Variants in AMZ1 observed in about 807,000 individuals in gnomAD.
The protein encoded by AMZ1 is archaemetzincin-1.
AMZ1 carries 39 observed loss-of-function variants against 29.9 expected under a neutral mutation model. The observed-to-expected ratio is 1.30, with a 90% CI of 1.01 to 1.70. The LOEUF is 1.70. Ranked by LOEUF, AMZ1 falls within the 40% of genes most tolerant of loss-of-function variation. AMZ1 has a pLI of 0.00. For missense variants in AMZ1, 1,041 were observed against 680.6 expected (o/e 1.53, Z -5.89); for synonymous variants, 458 against 304.0 (o/e 1.51, Z -5.27).
chr7:2,742,876 G>A (rs1790579365), intron 4 of AMZ1, among the ~76,000 whole-genome samples: 1 of 152,118 alleles, frequency 6.6e-6, no homozygotes, highest in Non-Finnish European at 1.5e-5. Flanking sequence ...CTGTATATTG[G>A]CTTGTGCCTA....
In AMZ1 at chr7:2,709,516, G is replaced by C. The variant is rs144770220; in HGVS notation, c.772-124G>C. ...CGCCTGGGGCAGGGGGAGGGCGCCT[G>C]GACCACCTCCCGGCCATCTGGCCTC... On this transcript the variant is annotated intron_variant, in intron 5 of 6. Coordinates refer to ENST00000683327, the MANE Select transcript of AMZ1 (RefSeq NM_001384743.1). The C allele has an allele frequency of 6.3e-5, 90 of 1,424,662 alleles. No individual in the cohort carries two copies. In the Admixed American group the frequency reaches 1.0e-3, roughly 16 times the overall value. The allele number at this position is 1,424,662 out of a possible 1,614,324, so 88.3% of individuals were successfully genotyped here.
chr7:2,711,982 G>A (rs1651155883), intron 6 of AMZ1, among the ~76,000 whole-genome samples: 1 of 152,178 alleles, frequency 6.6e-6, no homozygotes, highest in Non-Finnish European at 1.5e-5. Flanking sequence ...GGGAGGGGGA[G>A]GTTGCAGTGA....
upstream of AMZ1, among the ~76,000 whole-genome samples, chr7:2,686,362 ATC>A (rs1787078731): frequency 6.6e-6 from 1 of 152,128 alleles, no homozygotes. Context: ...GCGAGATCCC[ATC>A]TCTACATAAA....
At chr7:2,754,655 A>G (rs1159053836) in intron 4 of AMZ1, among the ~76,000 whole-genome samples, 1 of 152,062 alleles carries the variant, frequency 6.6e-6, no homozygotes, top group Admixed American at 6.6e-5. Flanking sequence ...AGGCTGGGAC[A>G]AGAGGACTGC....
chr7:2,696,950 G>C (rs965886828), intron 1 of AMZ1, among the ~76,000 whole-genome samples: 1 of 152,154 alleles, frequency 6.6e-6, no homozygotes, highest in African/African-American at 2.4e-5. Flanking sequence ...TGATCTTTCT[G>C]CAAAGCAATT....
At chr7:2,696,175 CAAA>C (rs1321138025) in intron 1 of AMZ1, among the ~76,000 whole-genome samples, 1 of 151,488 alleles carries the variant, frequency 6.6e-6, no homozygotes, top group Non-Finnish European at 1.5e-5. Context: ...AAAATGGGGA[CAAA>C]AACTGCACCC....
rs1257069104 is a variant in AMZ1, at chr7:2,727,478, C to T, written n.550+17662C>T. ...GTAGCCTCAAGCTCCTGGGCTCAAA[C>T]GATCCTTCTGCCTCAGCCTCCCAAG... On this transcript the variant is annotated intron_variant and non_coding_transcript_variant, in intron 4 of 4. Transcript: ENST00000489665. Among the ~76,000 whole-genome samples the T allele has an allele frequency of 7.9e-5, 12 of 152,216 alleles. No homozygotes were observed. In the East Asian group the frequency reaches 1.9e-3, roughly 25 times the overall value.
Position 2,708,683 on chromosome 7 carries a change from A to C in AMZ1, c.568A>C (p.Ser190Arg), listed in dbSNP as rs776712553. The change falls in exon 4 of 7, where the codon AGC becomes CGC. Residue 190 changes from serine to arginine, a missense_variant. By Grantham distance (110) the Ser-to-Arg change is moderately radical (BLOSUM62 -1). Transcript: ENST00000683327. Reference sequence around the variant, plus strand: ...TGACCTGTACCCCCATGAGGCCTGGAGCTTCACCTTCAGCAAGTTCCTTCC... The same window carrying C: ...TGACCTGTACCCCCATGAGGCCTGGCGCTTCACCTTCAGCAAGTTCCTTCC... ...LSDLYPHEAW[S>R]FTFSKFLPGH... 1 of 1,613,070 alleles carries C rather than the reference A, an allele frequency of 6.2e-7. No individual in the cohort carries two copies. Among genetic ancestry groups the C allele is most frequent in the South Asian group, 1.1e-5 (1 of 91,072 alleles).
upstream of AMZ1, among the ~76,000 whole-genome samples, chr7:2,760,607 AAG>A (rs1424498215): frequency 2.0e-5 from 3 of 152,162 alleles, no homozygotes; most frequent in African/African-American, 7.2e-5. Context: ...AGAGCCTGTG[AAG>A]ACTTTCCACA....
chr7:2,706,879 G>A (rs569672715), intron 3 of AMZ1, among the ~76,000 whole-genome samples: 2 of 140,506 alleles, frequency 1.4e-5, no homozygotes, highest in Non-Finnish European at 2.9e-5. Flanking sequence ...CAGCTGCTCA[G>A]GAGGCCGAGG....
chr7:2,692,336 C>G (rs1021590262), intron 1 of AMZ1, among the ~76,000 whole-genome samples: 2 of 151,822 alleles, frequency 1.3e-5, no homozygotes, highest in African/African-American at 4.8e-5. Context: ...GTCAGGAGAT[C>G]GAGACCATCC....
At chr7:2,696,902 CA>C (rs1787781037) in intron 1 of AMZ1, among the ~76,000 whole-genome samples, 1 of 151,750 alleles carries the variant, frequency 6.6e-6, no homozygotes, top group Non-Finnish European at 1.5e-5. Flanking sequence ...AAAACAAAAA[CA>C]AAAAACCTTG....
upstream of AMZ1, among the ~76,000 whole-genome samples, chr7:2,685,094 C>T (rs1403535651): frequency 6.6e-6 from 1 of 151,650 alleles, no homozygotes; most frequent in East Asian, 2.0e-4. Context: ...TGGTCTTGAT[C>T]TTCTGACCTC....
At chr7:2,745,901 C>A (rs1338764923) in intron 4 of AMZ1, among the ~76,000 whole-genome samples, 3 of 152,106 alleles carry the variant, frequency 2.0e-5, no homozygotes. Context: ...TTTAAACCAA[C>A]AAAGATCAAA....
At position 2,696,468 on chromosome 7, in the gene AMZ1, A is replaced by G. The variant is rs376114561; in HGVS notation, c.-218-3766A>G. 1.9e-3 allele frequency among the ~76,000 whole-genome samples: 292 copies of G among 150,080 alleles called. 1 individual carries two copies. The highest frequency in any genetic ancestry group is 3.5e-3 in the East Asian group (17 of 4,836). On this transcript the variant is annotated intron_variant, in intron 1 of 6. Transcript: ENST00000683327. ...GAGACGGGGTTTCACCATGTTAGCCAGGATGGTCTCGATCTCCTGACCTCG... is the reference window on the plus strand; with the variant it reads ...GAGACGGGGTTTCACCATGTTAGCCGGGATGGTCTCGATCTCCTGACCTCG...
chr7:2,754,878 A>G (rs915268090), intron 4 of AMZ1, among the ~76,000 whole-genome samples: 3 of 152,198 alleles, frequency 2.0e-5, no homozygotes, highest in Non-Finnish European at 2.9e-5. Flanking sequence ...TCTAGGCCCC[A>G]AGGAGTTTCT....
chr7:2,760,193 A>G (rs1791491829), upstream of AMZ1: 2 of 152,272 alleles, frequency 1.3e-5, no homozygotes, highest in African/African-American at 4.8e-5. Context: ...GAAGGAGTGG[A>G]GATTGAAGAC....
chr7:2,697,989 C>A (rs1382343765), intron 1 of AMZ1, among the ~76,000 whole-genome samples: 1 of 152,166 alleles, frequency 6.6e-6, no homozygotes, highest in Non-Finnish European at 1.5e-5. Flanking sequence ...AGCTGTGTCA[C>A]ATTTTCCCCA....
Position 2,731,728 on chromosome 7 carries a change from T to A in AMZ1, n.550+21912T>A. 1 of 1,544,802 alleles carries A rather than the reference T, an allele frequency of 6.5e-7. No homozygotes were observed. The highest frequency in any genetic ancestry group is 8.8e-7 in the Non-Finnish European group (1 of 1,140,418). ...GGTGGCTTTCCTAGCCAGCAGGATATCTTGCTTACTAGGAAAGTAATTCTG... is the reference window on the plus strand; with the variant it reads ...GGTGGCTTTCCTAGCCAGCAGGATAACTTGCTTACTAGGAAAGTAATTCTG... On this transcript the variant is annotated intron_variant and non_coding_transcript_variant, in intron 4 of 4. Coordinates refer to the AMZ1 transcript ENST00000489665. This position sits in a 1 kb window ranked among gnomAD's most constrained non-coding sequence, Gnocchi z 6.0.
Sources: gnomAD v4.1 joint callset for allele counts (sites outside exome capture counted in the v4.1 genomes callset) on GRCh38, gnomAD v4.1.1 for gene constraint, Gnocchi (gnomAD v3.1) non-coding constraint, MANE v1.5 for transcripts, NCBI Gene and HGNC (gene_info 2026-07-23, HGNC 2026-07-21) for gene names.